Variants in RIMS2 observed in about 807,000 individuals in gnomAD.
The protein encoded by RIMS2 is regulating synaptic membrane exocytosis protein 2.
A neutral mutation model predicts 174.4 loss-of-function variants in RIMS2; 59 were observed. The ratio of observed to expected loss-of-function variants is 0.34; its 90% confidence interval spans 0.27 to 0.42. The LOEUF (loss-of-function observed/expected upper bound fraction) is 0.42. Among genes scored for constraint, RIMS2 ranks in the 10% least tolerant of loss-of-function variants. The pLI is 1.00. For missense variants in RIMS2, 1,620 were observed against 1,666.3 expected (o/e 0.97, Z 0.48); for synonymous variants, 606 against 572.5 (o/e 1.06, Z -0.84).
At chr8:104,129,968 C>G (rs1036034404) in intron 19 of RIMS2, among the ~76,000 whole-genome samples, 16 of 152,092 alleles carry the variant, frequency 1.1e-4, no homozygotes, top group Non-Finnish European at 2.1e-4. Flanking sequence ...TATTGAATAC[C>G]TAAATGATTT....
chr8:104,223,881 C>T (rs774096911), intron 19 of RIMS2: 138 of 1,065,466 alleles, frequency 1.3e-4, no homozygotes, highest in Non-Finnish European at 1.6e-4. Flanking sequence ...GAGAACTCCA[C>T]GTAGCAGTGT....
intron 3 of RIMS2, among the ~76,000 whole-genome samples, chr8:103,813,363 T>C (rs967119963): frequency 8.0e-5 from 12 of 150,780 alleles, no homozygotes; most frequent in African/African-American, 2.9e-4. Flanking sequence ...TAAACCAAGG[T>C]TCTTAAATAA....
intron 4 of RIMS2, among the ~76,000 whole-genome samples, chr8:103,901,299 T>C (rs1474934586): frequency 2.6e-5 from 4 of 152,072 alleles, no homozygotes; most frequent in Non-Finnish European, 5.9e-5. Flanking sequence ...ATTCAGAGGG[T>C]TCAGGGGATC....
chr8:104,236,222 G>A (rs945478481), intron 19 of RIMS2, among the ~76,000 whole-genome samples: 5 of 151,846 alleles, frequency 3.3e-5, no homozygotes, highest in East Asian at 1.9e-4. Context: ...TTACTCCTAG[G>A]CATGCTACAT....
intron 19 of RIMS2, among the ~76,000 whole-genome samples, chr8:104,080,201 A>G (rs1163867253): frequency 2.0e-5 from 3 of 152,010 alleles, no homozygotes; most frequent in Admixed American, 6.6e-5. Flanking sequence ...ACTTTTTTCT[A>G]TCTACAAATT....
At chr8:104,254,297 T>A (rs926122359), downstream of RIMS2, 1 of 152,166 alleles carries the variant, frequency 6.6e-6, no homozygotes, top group African/African-American at 2.4e-5. Flanking sequence ...GTACATAGTA[T>A]GTTTGAAAAG....
chr8:103,907,421 A>G (rs1182025491), intron 4 of RIMS2, among the ~76,000 whole-genome samples: 1 of 152,010 alleles, frequency 6.6e-6, no homozygotes, highest in Admixed American at 6.6e-5. Flanking sequence ...TCACCTCCTC[A>G]TCTTATTTGA....
intron 19 of RIMS2, among the ~76,000 whole-genome samples, chr8:104,194,359 T>C (rs1053792390): frequency 3.3e-5 from 5 of 152,194 alleles, no homozygotes; most frequent in Middle Eastern, 3.2e-3. Context: ...TGTGCTCTTA[T>C]AGTGTTTCAA....
intron 1 of RIMS2, among the ~76,000 whole-genome samples, chr8:103,561,090 C>G (rs1262219317): frequency 6.6e-6 from 1 of 152,192 alleles, no homozygotes; most frequent in South Asian, 2.1e-4. Flanking sequence ...GCTTTTTATA[C>G]TAGCTGGCTT....
chr8:103,837,929 T>C (rs2098912959), intron 3 of RIMS2, among the ~76,000 whole-genome samples: 1 of 146,348 alleles, frequency 6.8e-6, no homozygotes, highest in Non-Finnish European at 1.5e-5. Flanking sequence ...ATTTTCTTTT[T>C]CTTTCTTTCT....
chr8:103,922,380 G>A (rs1023026622), intron 10 of RIMS2, among the ~76,000 whole-genome samples: 1 of 151,986 alleles, frequency 6.6e-6, no homozygotes, highest in East Asian at 1.9e-4. Flanking sequence ...AAACTTAAAT[G>A]TTCATTTATG....
chr8:104,061,464 G>A (rs4324899), intron 19 of RIMS2, among the ~76,000 whole-genome samples: 61,804 of 151,690 alleles, frequency 0.41, 12,912 homozygotes, highest in African/African-American at 0.45. Context: ...AAAGTAACAT[G>A]CAGTTGTGTA....
chr8:103,957,615 G>A (rs556198433), intron 14 of RIMS2, among the ~76,000 whole-genome samples: 11 of 152,308 alleles, frequency 7.2e-5, no homozygotes, highest in African/African-American at 2.6e-4. Context: ...TGGGGAGTGA[G>A]GGGCTAGAGG....
intron 19 of RIMS2, among the ~76,000 whole-genome samples, chr8:104,029,012 T>C (rs560752327): frequency 6.6e-6 from 1 of 152,346 alleles, no homozygotes; most frequent in East Asian, 1.9e-4. Context: ...TCATGAATTT[T>C]CCAAGAAAGG....
intron 19 of RIMS2, among the ~76,000 whole-genome samples, chr8:104,051,625 TG>T (rs980085436): frequency 1.3e-5 from 2 of 151,976 alleles, no homozygotes; most frequent in African/African-American, 4.8e-5. Context: ...GGAAAGATGC[TG>T]GAAAAAGAGA....
At chr8:103,586,390 C>T (rs915955622) in intron 1 of RIMS2, among the ~76,000 whole-genome samples, 2 of 152,078 alleles carry the variant, frequency 1.3e-5, no homozygotes, top group African/African-American at 4.8e-5. Context: ...GAAATCATAT[C>T]AACCATCTTC....
chr8:103,699,326 A>G lies in RIMS2; in HGVS notation c.387+2030A>G, dbSNP rs554543295. ...ACTGCAGTCTTGACCCCCTGGGCTC[A>G]GGTAATCTTGTCACTTTGGCCTCCC... is the stretch of plus-strand genomic sequence containing the variant. On this transcript the variant is annotated intron_variant, in intron 2 of 23. Transcript: ENST00000504942. Among the ~76,000 whole-genome samples the G allele has an allele frequency of 2.6e-5, 4 of 152,244 alleles. No homozygotes were observed. In the South Asian group the frequency reaches 8.3e-4, roughly 32 times the overall value.
chr8:103,918,179 A>G (rs1436696403), intron 8 of RIMS2, among the ~76,000 whole-genome samples: 1 of 152,184 alleles, frequency 6.6e-6, no homozygotes, highest in Non-Finnish European at 1.5e-5. Context: ...TGAGGCACAT[A>G]GAAAATAAAG....
chr8:104,143,021 A>G (rs1203760039), intron 19 of RIMS2, among the ~76,000 whole-genome samples: 1 of 152,224 alleles, frequency 6.6e-6, no homozygotes, highest in Non-Finnish European at 1.5e-5. Flanking sequence ...TAACTTAATT[A>G]GGGTTTCTTG....
Sources: allele counts gnomAD v4.1 joint callset (sites outside exome capture counted in the v4.1 genomes callset), GRCh38; gene constraint gnomAD v4.1.1; transcripts MANE v1.5; gene names NCBI Gene and HGNC (gene_info 2026-07-23, HGNC 2026-07-21).